Variants in WDR4 observed in about 807,000 individuals in gnomAD.
The protein encoded by WDR4 is tRNA (guanine-N(7)-)-methyltransferase non-catalytic subunit WDR4.
In WDR4, 47 loss-of-function variants were observed where a neutral mutation model predicts 48.6. The ratio of observed to expected loss-of-function variants is 0.97; its 90% CI spans 0.77 to 1.23. The LOEUF is 1.23. Among genes scored for constraint, WDR4 ranks in the 50% most tolerant of loss-of-function variants. WDR4 has a pLI of 0.00. For synonymous variants in WDR4, 268 were observed against 230.0 expected (o/e 1.17, Z -1.49); for missense variants, 606 against 551.6 (o/e 1.10, Z -0.99).
chr21:42,866,516 C>G (rs3827238), intron 3 of WDR4, among the ~76,000 whole-genome samples: 1 of 151,902 alleles, frequency 6.6e-6, no homozygotes, highest in East Asian at 1.9e-4. Flanking sequence ...TTCTGGGGAG[C>G]GGGTGCATCA....
At chr21:42,876,882 G>T (rs7283064) in intron 1 of WDR4, 115 bp from the exon 2 acceptor site, 2 of 872,184 alleles carry the variant, frequency 2.3e-6, no homozygotes, top group Non-Finnish European at 3.4e-6. Context: ...ACAATGGCAC[G>T]ATCTTGGCTC....
upstream of WDR4, chr21:42,879,740 C>T (rs2058590688): frequency 5.9e-6 from 3 of 508,746 alleles, no homozygotes; most frequent in East Asian, 9.2e-5. Flanking sequence ...ATGGAGTGCA[C>T]TTCGCACGAT....
intron 2 of WDR4, among the ~76,000 whole-genome samples, chr21:42,875,426 G>A (rs969898111): frequency 1.3e-5 from 2 of 152,086 alleles, no homozygotes; most frequent in Admixed American, 6.6e-5. Flanking sequence ...ATGGTGGTGC[G>A]TGCCTGTAGT....
chr21:42,874,733 T>C (rs2058450661), intron 2 of WDR4, among the ~76,000 whole-genome samples: 1 of 152,024 alleles, frequency 6.6e-6, no homozygotes, highest in African/African-American at 2.4e-5. Flanking sequence ...CCTAATAAAT[T>C]TTGGTCAGAC....
intron 8 of WDR4, 21 bp downstream of exon 8, chr21:42,854,541 A>C (rs943567107): frequency 6.2e-7 from 1 of 1,610,338 alleles, no homozygotes; most frequent in Admixed American, 1.7e-5. Flanking sequence ...CGGAGGCCAT[A>C]GAGGTGCCGC....
the WDR4 span, among the ~76,000 whole-genome samples, chr21:42,886,158 T>C: frequency 6.6e-6 from 1 of 152,094 alleles, no homozygotes; most frequent in Non-Finnish European, 1.5e-5. Context: ...GGTTTTGCCA[T>C]GTTGGCCAGG....
chr21:42,891,363 C>G, the WDR4 span, among the ~76,000 whole-genome samples: 4 of 151,868 alleles, frequency 2.6e-5, no homozygotes, highest in African/African-American at 9.7e-5. Flanking sequence ...TTCATGCCCC[C>G]TCAACCATAG....
chr21:42,883,098 C>A (rs372542656), upstream of WDR4, among the ~76,000 whole-genome samples: 896 of 86,970 alleles, frequency 0.01, no homozygotes, highest in Non-Finnish European at 0.011. Context: ...GACTCCGTCT[C>A]AAAAAAAAAA....
intron 1 of WDR4, among the ~76,000 whole-genome samples, chr21:42,877,323 T>C (rs1395166628): frequency 4.0e-5 from 6 of 151,406 alleles, no homozygotes; most frequent in African/African-American, 7.3e-5. Flanking sequence ...TTTGTAGTTT[T>C]GGTAGAGACG....
chr21:42,885,022 C>T, the WDR4 span, among the ~76,000 whole-genome samples: 2 of 152,090 alleles, frequency 1.3e-5, no homozygotes, highest in Non-Finnish European at 2.9e-5. Flanking sequence ...GTGATCCGCC[C>T]GCCTTGGCTT....
chr21:42,878,635 C>T (rs1471271662), intron 1 of WDR4, among the ~76,000 whole-genome samples: 2 of 152,214 alleles, frequency 1.3e-5, no homozygotes. Flanking sequence ...GGGGCTGAAA[C>T]TGACAGCACT....
chr21:42,870,439 C>T (rs190862019), intron 3 of WDR4, among the ~76,000 whole-genome samples: 11 of 152,270 alleles, frequency 7.2e-5, no homozygotes, highest in African/African-American at 2.2e-4. Flanking sequence ...GACACCCAAG[C>T]GGCTCTTGTG....
At chr21:42,851,681 C>T (rs535092994) in intron 10 of WDR4, among the ~76,000 whole-genome samples, 8 of 152,306 alleles carry the variant, frequency 5.3e-5, no homozygotes, top group Admixed American at 2.0e-4. Context: ...AAATGTTCGT[C>T]CAGCTCCTCC....
intron 1 of WDR4, chr21:42,879,196 G>T: frequency 1.5e-6 from 2 of 1,332,640 alleles, no homozygotes; most frequent in South Asian, 1.9e-5. Context: ...GCCGGGGAGC[G>T]GACGCCGAGA....
chr21:42,848,695 C>G (rs142187756), downstream of WDR4, among the ~76,000 whole-genome samples: 3 of 75,840 alleles, frequency 4.0e-5, 1 homozygote, highest in Non-Finnish European at 8.5e-5. Context: ...CGCACGATCA[C>G]GCGGCGCACA....
intron 7 of WDR4, among the ~76,000 whole-genome samples, 195 bp from the exon 8 acceptor site, chr21:42,854,821 AG>A (rs2057943465): frequency 6.6e-6 from 1 of 152,050 alleles, no homozygotes; most frequent in Non-Finnish European, 1.5e-5. Context: ...AGATGACAAA[AG>A]CCCCCCAGTG....
intron 3 of WDR4, among the ~76,000 whole-genome samples, chr21:42,867,301 G>A (rs2058267717): frequency 1.3e-5 from 2 of 149,658 alleles, no homozygotes; most frequent in Non-Finnish European, 3.0e-5. Context: ...TGAGGCAGGA[G>A]AATCGCTTGA....
the WDR4 span, among the ~76,000 whole-genome samples, chr21:42,891,399 G>A: frequency 4.6e-5 from 7 of 151,830 alleles, no homozygotes; most frequent in South Asian, 2.1e-4. Flanking sequence ...CAACCTGGCC[G>A]GTGACCACGC....
intron 6 of WDR4, among the ~76,000 whole-genome samples, chr21:42,858,384 C>A (rs909421595): frequency 6.6e-6 from 1 of 152,170 alleles, no homozygotes; most frequent in African/African-American, 2.4e-5. Flanking sequence ...AGGAAGCGCG[C>A]GGGAAAACCC....
Sources: allele counts gnomAD v4.1 joint callset (sites outside exome capture counted in the v4.1 genomes callset), GRCh38; gene constraint gnomAD v4.1.1; transcripts MANE v1.5; gene names NCBI Gene and HGNC (gene_info 2026-07-23, HGNC 2026-07-21).